BHMT: variants seen among roughly 807,000 people sequenced by gnomAD.
The protein encoded by BHMT is betaine--homocysteine S-methyltransferase 1.
Under a neutral mutation model 49.5 loss-of-function variants are expected in BHMT, and 38 were observed. That is an observed-to-expected ratio of 0.77 (90% CI 0.59 to 1.01). The LOEUF (loss-of-function observed/expected upper bound fraction) is 1.01. Among genes scored for constraint, BHMT ranks in the 50% least tolerant of loss-of-function variants. The pLI, the probability that BHMT is intolerant of heterozygous loss-of-function variation, is 0.00. For synonymous variants in BHMT, 166 were observed against 176.3 expected, an observed-to-expected ratio of 0.94 and a Z score of 0.46; for missense variants, 426 against 495.7, an observed-to-expected ratio of 0.86 and a Z score of 1.34.
chr5:79,117,635 T>C (rs1359222139), intron 2 of BHMT, among the ~76,000 whole-genome samples: 1 of 152,238 alleles, frequency 6.6e-6, no homozygotes, highest in Non-Finnish European at 1.5e-5. Context: ...TCTACTCTAC[T>C]AGTCGTCTGG....
At chr5:79,114,090 T>TATATATATATATTTATATATATGTATAC (rs1203475408) in intron 1 of BHMT, among the ~76,000 whole-genome samples, 1 of 147,696 alleles carries the variant, frequency 6.8e-6, no homozygotes, top group East Asian at 1.9e-4. Context: ...CAGTAGTATA[T>TATATATATATATTTATATATATGTATAC]ATATATATAT....
Position 79,119,382 on chromosome 5 carries a change from G to A in BHMT, c.285+5G>A. On this transcript the variant is annotated splice_donor_5th_base_variant and intron_variant, in intron 3 of 7. Transcript: ENST00000274353. ...TATGTCTTAGAGAAGATATCTGTGAGTAAAACCAGCCGTGGGACTTTTAGA... is the reference window on the plus strand; with the variant it reads ...TATGTCTTAGAGAAGATATCTGTGAATAAAACCAGCCGTGGGACTTTTAGA... The A allele has an allele frequency of 6.3e-7, 1 of 1,599,934 alleles. No individual in the cohort carries two copies. Among genetic ancestry groups the A allele is most frequent in the Non-Finnish European group, 8.6e-7 (1 of 1,168,782 alleles).
chr5:79,112,195 G>A (rs1756312564), intron 1 of BHMT, among the ~76,000 whole-genome samples: 1 of 152,124 alleles, frequency 6.6e-6, no homozygotes, highest in Non-Finnish European at 1.5e-5. Flanking sequence ...ACCAGAGTGC[G>A]CCCCAGATCT....
At chr5:79,129,071 G>A (rs541304190) in intron 7 of BHMT, among the ~76,000 whole-genome samples, 2 of 152,320 alleles carry the variant, frequency 1.3e-5, no homozygotes, top group East Asian at 1.9e-4. Context: ...ACTAGGAAGC[G>A]GGTGGAGGAC....
intron 5 of BHMT, among the ~76,000 whole-genome samples, chr5:79,124,546 A>C (rs1756519663): frequency 6.6e-6 from 1 of 152,112 alleles, no homozygotes; most frequent in Non-Finnish European, 1.5e-5. Context: ...TAATGTCATA[A>C]TGCCTTCTCA....
chr5:79,112,386 G>C (rs975716790), intron 1 of BHMT, among the ~76,000 whole-genome samples: 15 of 152,196 alleles, frequency 9.9e-5, no homozygotes, highest in African/African-American at 3.1e-4. Context: ...GAGCCCCTCC[G>C]CATCTGTGTC....
intron 5 of BHMT, among the ~76,000 whole-genome samples, chr5:79,122,581 A>AG (rs1756488625): frequency 6.6e-6 from 1 of 152,076 alleles, no homozygotes; most frequent in Non-Finnish European, 1.5e-5. Context: ...CCAAAAAAAA[A>AG]GGGTAGCCAA....
intron 2 of BHMT, among the ~76,000 whole-genome samples, chr5:79,117,916 A>G (rs1191282287): frequency 6.6e-6 from 1 of 152,060 alleles, no homozygotes; most frequent in Non-Finnish European, 1.5e-5. Context: ...TTTTTCCACT[A>G]TCTTACAATG....
At chr5:79,121,442 G>A in intron 5 of BHMT, 77 bp downstream of exon 5, 1 of 1,527,308 alleles carries the variant, frequency 6.5e-7, no homozygotes, top group East Asian at 2.3e-5. Flanking sequence ...CTACAAATCA[G>A]TGTATACTAC....
intron 7 of BHMT, among the ~76,000 whole-genome samples, chr5:79,129,293 C>T (rs373557462): frequency 4.1e-4 from 62 of 152,208 alleles, no homozygotes; most frequent in African/African-American, 1.2e-3. Flanking sequence ...GAGCTAATGT[C>T]CCAAGGGGCA....
intron 5 of BHMT, among the ~76,000 whole-genome samples, 166 bp downstream of exon 5, chr5:79,121,531 A>T (rs1756472385): frequency 1.3e-5 from 2 of 152,100 alleles, no homozygotes; most frequent in Non-Finnish European, 2.9e-5. Flanking sequence ...AGTTTTAAAA[A>T]TGGCTGGGCG....
intron 5 of BHMT, among the ~76,000 whole-genome samples, chr5:79,125,658 C>G (rs1331764910): frequency 6.6e-6 from 1 of 152,102 alleles, no homozygotes; most frequent in East Asian, 1.9e-4. Flanking sequence ...AAGCTTCCTG[C>G]TGGGTGTGGT....
chr5:79,128,035 G>A, intron 7 of BHMT, 52 bp downstream of exon 7: 2 of 1,548,364 alleles, frequency 1.3e-6, no homozygotes, highest in Non-Finnish European at 1.7e-6. Context: ...ATATGTTCAA[G>A]TGAGGCCATT....
At chr5:79,115,652 TG>T (rs1340407092) in intron 1 of BHMT, 114 bp from the exon 2 acceptor site, 50 of 1,237,932 alleles carry the variant, frequency 4.0e-5, no homozygotes, top group Middle Eastern at 2.2e-4. Flanking sequence ...CATTTTTCTC[TG>T]AAAATTCTAA....
intron 1 of BHMT, 76 bp downstream of exon 1, chr5:79,111,994 A>C: frequency 2.8e-6 from 4 of 1,451,304 alleles, no homozygotes; most frequent in Non-Finnish European, 3.7e-6. Context: ...GGGAGCGCAG[A>C]GGGGCCCTCG....
intron 2 of BHMT, among the ~76,000 whole-genome samples, chr5:79,118,095 A>G (rs1236580597): frequency 2.0e-5 from 3 of 152,220 alleles, no homozygotes; most frequent in Non-Finnish European, 4.4e-5. Flanking sequence ...TAGGACAGCT[A>G]TTTTAAAACA....
intron 7 of BHMT, among the ~76,000 whole-genome samples, chr5:79,128,457 G>T (rs1756587736): frequency 6.6e-6 from 1 of 150,440 alleles, no homozygotes; most frequent in African/African-American, 2.4e-5. Flanking sequence ...TTGAACCCGG[G>T]AGGCAGAGGT....
chr5:79,121,098 C>A, intron 4 of BHMT, 120 bp from the exon 5 acceptor site: 1 of 1,250,092 alleles, frequency 8.0e-7, no homozygotes, highest in Non-Finnish European at 1.1e-6. Context: ...TTGCAGTGAG[C>A]CGAAATCGCA....
At chr5:79,115,332 C>G (rs1426352677) in intron 1 of BHMT, among the ~76,000 whole-genome samples, 1 of 151,652 alleles carries the variant, frequency 6.6e-6, no homozygotes, top group Admixed American at 6.6e-5. Context: ...CATTCTATGC[C>G]ATTTCAACTT....
Sources: allele counts gnomAD v4.1 joint callset (sites outside exome capture counted in the v4.1 genomes callset), GRCh38; gene constraint gnomAD v4.1.1; transcripts MANE v1.5; gene names NCBI Gene and HGNC (gene_info 2026-07-23, HGNC 2026-07-21).